The following GRID1 variants were observed in gnomAD, a reference collection of about 807,000 sequenced individuals.
The protein encoded by GRID1 is glutamate receptor ionotropic, delta-1.
Under a neutral mutation model 98.0 loss-of-function variants are expected in GRID1, and 28 were observed. The observed-to-expected ratio is 0.29, with a 90% CI of 0.21 to 0.39. GRID1 has a LOEUF of 0.39. GRID1 is among the 10% of genes least tolerant of loss of function. GRID1 has a pLI of 1.00. For missense variants in GRID1, 1,111 were observed against 1,340.5 expected, an observed-to-expected ratio of 0.83 and a Z score of 2.67; for synonymous variants, 553 against 538.5, an observed-to-expected ratio of 1.03 and a Z score of -0.37.
At chr10:86,336,448 G>A (rs1848222316) in intron 2 of GRID1, among the ~76,000 whole-genome samples, 1 of 152,158 alleles carries the variant, frequency 6.6e-6, no homozygotes, top group Non-Finnish European at 1.5e-5. Context: ...GGCACCCTGA[G>A]CTCCGGGTCT....
At chr10:85,842,945 CA>C (rs1173507447) in intron 8 of GRID1, among the ~76,000 whole-genome samples, 2 of 151,182 alleles carry the variant, frequency 1.3e-5, no homozygotes, top group East Asian at 3.9e-4. Context: ...AGCGAAAAAA[CA>C]AAAACAAAAA....
intron 3 of GRID1, among the ~76,000 whole-genome samples, chr10:86,179,577 T>C (rs1191408919): frequency 6.6e-6 from 1 of 152,170 alleles, no homozygotes; most frequent in African/African-American, 2.4e-5. Flanking sequence ...TCTGACAGTT[T>C]GTGGGGCCTC....
At chr10:85,784,101 G>C (rs879856278) in intron 8 of GRID1, among the ~76,000 whole-genome samples, 6 of 152,168 alleles carry the variant, frequency 3.9e-5, no homozygotes, top group Admixed American at 3.9e-4. Flanking sequence ...AAAAGGAGCT[G>C]GGGAACATCT....
At chr10:85,996,838 A>T (rs1166297491) in intron 4 of GRID1, among the ~76,000 whole-genome samples, 1 of 151,542 alleles carries the variant, frequency 6.6e-6, no homozygotes, top group Non-Finnish European at 1.5e-5. Flanking sequence ...TCAAAAAAAA[A>T]AAAAAGAAAG....
At chr10:85,612,236 C>T (rs754471130) in intron 15 of GRID1, among the ~76,000 whole-genome samples, 24 of 152,156 alleles carry the variant, frequency 1.6e-4, no homozygotes, top group Non-Finnish European at 2.2e-4. Flanking sequence ...TGTGGCCAGA[C>T]ACCCAGGCCA....
intron 4 of GRID1, among the ~76,000 whole-genome samples, chr10:86,038,983 G>A (rs114626186): frequency 0.011 from 1,731 of 152,216 alleles, 32 homozygotes; most frequent in African/African-American, 0.039. Flanking sequence ...AGCCAATTTC[G>A]CTTTCCAAGC....
intron 4 of GRID1, among the ~76,000 whole-genome samples, chr10:86,132,814 C>T (rs1369116620): frequency 6.6e-6 from 1 of 152,212 alleles, no homozygotes; most frequent in African/African-American, 2.4e-5. Context: ...GGACTAAACC[C>T]AGGCTGGGCT....
At chr10:86,288,082 G>A (rs556495534) in intron 2 of GRID1, among the ~76,000 whole-genome samples, 4 of 152,306 alleles carry the variant, frequency 2.6e-5, no homozygotes, top group African/African-American at 9.6e-5. Context: ...GCAGGAAGAT[G>A]CCAGGCTGCC....
Position 85,786,794 on chromosome 10 carries a change from G to A in GRID1, c.1234-57180C>T, listed in dbSNP as rs140241233. Among the ~76,000 whole-genome samples the A allele has an allele frequency of 2.3e-3, 354 of 152,344 alleles. 3 individuals are homozygous for A. The highest frequency in any genetic ancestry group is 8.0e-3 in the African/African-American group (332 of 41,586). ...GATAGGAAGGAGATTTGTGCAGAAGGCAATGAACCTGCTGCGAGTGTTGGG... is the reference window on the plus strand; with the variant it reads ...GATAGGAAGGAGATTTGTGCAGAAGACAATGAACCTGCTGCGAGTGTTGGG... On this transcript the variant is annotated intron_variant, in intron 8 of 15. Coordinates refer to ENST00000327946, the MANE Select transcript of GRID1 (RefSeq NM_017551.3).
At chr10:86,077,439 G>A (rs1457091486) in intron 4 of GRID1, among the ~76,000 whole-genome samples, 1 of 152,030 alleles carries the variant, frequency 6.6e-6, no homozygotes, top group Admixed American at 6.6e-5. Context: ...CCACACCTTT[G>A]CACACCCCAT....
chr10:86,360,720 T>C (rs1035509160), intron 2 of GRID1, among the ~76,000 whole-genome samples: 2 of 152,206 alleles, frequency 1.3e-5, no homozygotes, highest in Admixed American at 1.3e-4. Flanking sequence ...ACATGTCTCA[T>C]CTCATTTAAT....
chr10:85,688,552 G>GGAA (rs1163729125), intron 12 of GRID1, among the ~76,000 whole-genome samples: 1 of 152,090 alleles, frequency 6.6e-6, no homozygotes, highest in African/African-American at 2.4e-5. Flanking sequence ...AAAGCAGGAA[G>GGAA]GAAGCTATCT....
chr10:85,685,617 G>C (rs531110064), intron 12 of GRID1, among the ~76,000 whole-genome samples: 1 of 152,208 alleles, frequency 6.6e-6, no homozygotes, highest in South Asian at 2.1e-4. Flanking sequence ...GACAAACTAG[G>C]TTGGAGACGT....
At chr10:86,166,584 A>T (rs2131990112) in intron 3 of GRID1, among the ~76,000 whole-genome samples, 1 of 152,348 alleles carries the variant, frequency 6.6e-6, no homozygotes, top group South Asian at 2.1e-4. Context: ...TTCTGAGAGG[A>T]TGAGTAACTT....
At chr10:85,609,681 G>A (rs1842712397) in intron 15 of GRID1, among the ~76,000 whole-genome samples, 1 of 152,212 alleles carries the variant, frequency 6.6e-6, no homozygotes, top group African/African-American at 2.4e-5. Context: ...GCCAGCTCCT[G>A]TGTGCGATGG....
intron 2 of GRID1, among the ~76,000 whole-genome samples, chr10:86,235,951 A>C (rs559398938): frequency 6.6e-6 from 1 of 152,224 alleles, no homozygotes; most frequent in Non-Finnish European, 1.5e-5. Context: ...ATATGTGTTT[A>C]TCTTTTTAAT....
At chr10:86,287,399 A>G (rs1400795405) in intron 2 of GRID1, among the ~76,000 whole-genome samples, 1 of 152,224 alleles carries the variant, frequency 6.6e-6, no homozygotes, top group African/African-American at 2.4e-5. Flanking sequence ...CCAGTAACGC[A>G]CCACTTAACT....
intron 3 of GRID1, among the ~76,000 whole-genome samples, chr10:86,153,633 C>T (rs543703424): frequency 6.6e-6 from 1 of 152,256 alleles, no homozygotes; most frequent in Admixed American, 6.5e-5. Context: ...GCAAGAACAG[C>T]ATGGGGACAT....
chr10:86,021,933 A>G (rs1414808679), intron 4 of GRID1, among the ~76,000 whole-genome samples: 2 of 152,220 alleles, frequency 1.3e-5, no homozygotes, highest in African/African-American at 2.4e-5. Flanking sequence ...CGGGCTGTCT[A>G]GAGCAGCCGC....
Sources: gnomAD v4.1 joint callset for allele counts (sites outside exome capture counted in the v4.1 genomes callset) on GRCh38, gnomAD v4.1.1 for gene constraint, MANE v1.5 for transcripts, NCBI Gene and HGNC (gene_info 2026-07-23, HGNC 2026-07-21) for gene names.